RTN4IP1: variants seen among roughly 807,000 people sequenced by gnomAD.
RTN4IP1 encodes the protein NAD(P)H oxidoreductase RTN4IP1, mitochondrial.
RTN4IP1 carries 32 observed loss-of-function variants against 46.6 expected under a neutral mutation model. The ratio of observed to expected loss-of-function variants is 0.69; its 90% CI spans 0.52 to 0.92. The LOEUF is 0.92. RTN4IP1 is among the 40% of genes least tolerant of loss of function. The pLI is 0.00. For missense variants in RTN4IP1, 424 were observed against 485.8 expected (o/e 0.87, Z 1.20); for synonymous variants, 167 against 161.8 (o/e 1.03, Z -0.24).
chr6:106,621,454 A>C lies in RTN4IP1; in HGVS notation c.466T>G (p.Ser156Ala). 1 of 1,614,054 alleles carries C rather than the reference A, an allele frequency of 6.2e-7. No homozygotes were observed. Among genetic ancestry groups the C allele is most frequent in the Non-Finnish European group, 8.5e-7 (1 of 1,179,926 alleles). ...TTCCCACTGACTACAACAAACTCTG[A>C]AAGAGTGCCTTGTTTCCAAGGAGGA... Reference protein sequence around the residue: ...AVPPWKQGTLSEFVVVSGNEV... With the variant: ...AVPPWKQGTLAEFVVVSGNEV... The change falls in exon 3 of 9, where the codon TCA becomes GCA. Residue 156 changes from serine (S) to alanine (A), a missense_variant. Physicochemically the swap from Ser to Ala is moderately conservative, Grantham distance 99. Transcript: ENST00000369063.
At chr6:106,599,287 A>T (rs984064154) in intron 5 of RTN4IP1, among the ~76,000 whole-genome samples, 1 of 151,984 alleles carries the variant, frequency 6.6e-6, no homozygotes, top group African/African-American at 2.4e-5. Flanking sequence ...CATACAGAAT[A>T]TAAATATACA....
rs1775051387 is a variant in RTN4IP1 at position 106,571,248 on chromosome 6, A to ACTT, written c.*745_*747dup. ...TATATATGACACTAAGAGATTTAGA[A>ACTT]CTTTAAGAGCTGTGGTGACCACATT... On this transcript the variant is annotated 3_prime_UTR_variant, in exon 9 of 9. Transcript: ENST00000369063. 6.6e-6 allele frequency: 1 copy of ACTT among 152,260 alleles called. No individual in the cohort carries two copies. Among genetic ancestry groups the ACTT allele is most frequent in the African/African-American group, 2.4e-5 (1 of 41,468 alleles). 9.4% of individuals were successfully genotyped at this position (152,260 alleles called of 1,614,324 possible). A position where few individuals can be genotyped will look rare whatever the true frequency, so the allele number is the denominator to read the frequency against.
Position 106,578,270 on chromosome 6 carries a change from C to T in RTN4IP1, c.1083+5058G>A, listed in dbSNP as rs191610103. Reference sequence around the variant, plus strand: ...TGTCGTAAGGGTCAAGAGACCTGGGCCCTGCCTATGTGACCTTGAACACAT... The same window carrying T: ...TGTCGTAAGGGTCAAGAGACCTGGGTCCTGCCTATGTGACCTTGAACACAT... On this transcript the variant is annotated intron_variant, in intron 8 of 8. Coordinates refer to ENST00000369063, the MANE Select transcript of RTN4IP1 (RefSeq NM_032730.5). Among the ~76,000 whole-genome samples the T allele has an allele frequency of 5.3e-5, 8 of 152,260 alleles. No individual in the cohort carries two copies. In the East Asian group the frequency reaches 1.5e-3, roughly 29 times the overall value.
chr6:106,589,573 A>G (rs1396263226), intron 6 of RTN4IP1, among the ~76,000 whole-genome samples: 2 of 152,124 alleles, frequency 1.3e-5, no homozygotes, highest in East Asian at 3.9e-4. Flanking sequence ...AGCTCTCCCA[A>G]CAAATGACTG....
At chr6:106,616,872 G>A (rs1414986739) in intron 4 of RTN4IP1, among the ~76,000 whole-genome samples, 3 of 152,198 alleles carry the variant, frequency 2.0e-5, no homozygotes, top group Non-Finnish European at 2.9e-5. Context: ...AGTACCAAGT[G>A]CTATGGTCTG....
intron 7 of RTN4IP1, 44 bp from the exon 8 acceptor site, chr6:106,583,464 A>C (rs1319326202): frequency 6.8e-7 from 1 of 1,466,300 alleles, no homozygotes; most frequent in South Asian, 1.2e-5. Flanking sequence ...GAAAAACATA[A>C]AATCTGACTA....
chr6:106,590,038 C>T (rs944811382), intron 6 of RTN4IP1, among the ~76,000 whole-genome samples: 10 of 152,156 alleles, frequency 6.6e-5, no homozygotes, highest in Non-Finnish European at 1.5e-4. Context: ...TTAAGGTAGG[C>T]CAGGTGCAGT....
Position 106,629,194 on chromosome 6 carries a change from T to C in RTN4IP1, c.-173A>G. Reference sequence around the variant, plus strand: ...TCTAATGGAGAAACTGAAAGAAGAATACGGAACTGTTATTCCGCTCTTCGC... The same window carrying C: ...TCTAATGGAGAAACTGAAAGAAGAACACGGAACTGTTATTCCGCTCTTCGC... On this transcript the variant is annotated 5_prime_UTR_variant, in exon 1 of 9. Transcript: ENST00000369063. 1.6e-6 allele frequency: 1 copy of C among 615,630 alleles called. No homozygotes were observed. The highest frequency in any genetic ancestry group is 2.8e-6 in the Non-Finnish European group (1 of 352,828). 38.1% of individuals were successfully genotyped at this position (615,630 alleles called of 1,614,324 possible).
At chr6:106,629,645 G>A (rs374426112), upstream of RTN4IP1, 9 of 1,590,090 alleles carry the variant, frequency 5.7e-6, no homozygotes, top group Admixed American at 3.6e-5. Context: ...TTTCCCCCTT[G>A]CCTGGCTCCT....
At chr6:106,626,885 A>AT (rs1776663140) in intron 1 of RTN4IP1, among the ~76,000 whole-genome samples, 2 of 152,148 alleles carry the variant, frequency 1.3e-5, no homozygotes, top group South Asian at 4.1e-4. Context: ...TGTTGGCTGC[A>AT]TTTTTTCCCC....
chr6:106,587,374 T>C (rs569899782), intron 7 of RTN4IP1, among the ~76,000 whole-genome samples: 10 of 152,362 alleles, frequency 6.6e-5, no homozygotes, highest in African/African-American at 2.2e-4. Flanking sequence ...GTACTAGGCA[T>C]TATGCCATGT....
At chr6:106,597,134 G>A (rs1042083551) in intron 5 of RTN4IP1, among the ~76,000 whole-genome samples, 3 of 152,188 alleles carry the variant, frequency 2.0e-5, no homozygotes, top group East Asian at 1.9e-4. Flanking sequence ...GTGTTGCTCA[G>A]TCTGGGTCCA....
Position 106,610,529 on chromosome 6 carries a change from G to C in RTN4IP1, c.621-7607C>G, listed in dbSNP as rs143844941. On this transcript the variant is annotated intron_variant, in intron 4 of 8. Coordinates refer to ENST00000369063, the MANE Select transcript of RTN4IP1 (RefSeq NM_032730.5). ...TGGCCCTTCACTTAAGTCCTACACA[G>C]TGGGAATACTTTTTACCTAGCTTGC... is the stretch of plus-strand genomic sequence containing the variant. Among the ~76,000 whole-genome samples the C allele has an allele frequency of 9.5e-4, 145 of 152,276 alleles. 2 individuals are homozygous for C. Among genetic ancestry groups the C allele is most frequent in the African/African-American group, 3.4e-3 (140 of 41,550 alleles).
chr6:106,593,927 C>A (rs1264207056), intron 5 of RTN4IP1, among the ~76,000 whole-genome samples: 1 of 152,120 alleles, frequency 6.6e-6, no homozygotes, highest in Non-Finnish European at 1.5e-5. Context: ...TGTGACCATC[C>A]TTTCTCTATA....
At chr6:106,580,130 T>C (rs1301561159) in intron 8 of RTN4IP1, among the ~76,000 whole-genome samples, 14 of 146,394 alleles carry the variant, frequency 9.6e-5, no homozygotes, top group African/African-American at 3.3e-4. Flanking sequence ...AGGAGAATGG[T>C]GTGAACCCGG....
chr6:106,622,060 T>C (rs1055964241), intron 2 of RTN4IP1, among the ~76,000 whole-genome samples: 4 of 152,158 alleles, frequency 2.6e-5, no homozygotes, highest in African/African-American at 4.8e-5. Context: ...ACCCTAATTC[T>C]ATATATTTTA....
chr6:106,593,882 T>C (rs1259501348), intron 5 of RTN4IP1, among the ~76,000 whole-genome samples: 1 of 152,170 alleles, frequency 6.6e-6, no homozygotes, highest in Non-Finnish European at 1.5e-5. Context: ...CAAATTCAAA[T>C]ATGTGAAGAA....
At chr6:106,626,205 T>C (rs912504417) in intron 1 of RTN4IP1, among the ~76,000 whole-genome samples, 1 of 151,920 alleles carries the variant, frequency 6.6e-6, no homozygotes, top group Non-Finnish European at 1.5e-5. Flanking sequence ...GTAGCTTGCA[T>C]GAGTTGTGTT....
intron 8 of RTN4IP1, 48 bp downstream of exon 8, chr6:106,583,280 G>T: frequency 1.4e-6 from 2 of 1,434,298 alleles, no homozygotes; most frequent in Non-Finnish European, 9.8e-7. Context: ...TACAGGAGGT[G>T]CTGTAGAAAT....
Sources: gnomAD v4.1 joint callset for allele counts (sites outside exome capture counted in the v4.1 genomes callset) on GRCh38, gnomAD v4.1.1 for gene constraint, MANE v1.5 for transcripts, NCBI Gene and HGNC (gene_info 2026-07-23, HGNC 2026-07-21) for gene names.